Variants in SERPINA3 observed in about 807,000 individuals in gnomAD.
The protein encoded by SERPINA3 is serpin family A member 3.
In SERPINA3, 32 loss-of-function variants were observed where a neutral mutation model predicts 26.8. That is an observed-to-expected ratio of 1.20 (90% CI 0.90 to 1.61). SERPINA3 has a LOEUF of 1.61. SERPINA3 is among the 40% of genes most tolerant of loss of function. The pLI is 0.00. For missense variants in SERPINA3, 632 were observed against 517.9 expected (o/e 1.22, Z -2.14); for synonymous variants, 252 against 206.4 (o/e 1.22, Z -1.89).
Position 94,614,989 on chromosome 14 carries a change from A to G in SERPINA3, c.548A>G (p.Tyr183Cys). 6.2e-7 allele frequency: 1 copy of G among 1,614,096 alleles called. No individual in the cohort carries two copies. Among genetic ancestry groups the G allele is most frequent in the Non-Finnish European group, 8.5e-7 (1 of 1,179,900 alleles). Residue 183 changes from tyrosine (Y) to cysteine (C), a missense_variant, in exon 2 of 5, where the codon TAC (tyrosine) becomes TGC (cysteine). Transcript: ENST00000393078. Reference protein sequence around the residue: ...SAAAKKLINDYVKNGTRGKIT... With the variant: ...SAAAKKLINDCVKNGTRGKIT... ...GCAGCTAAGAAGCTCATCAACGACT[A>G]CGTGAAGAATGGAACTAGGGGGAAA... is the stretch of plus-strand genomic sequence containing the variant.
Position 94,623,920 on chromosome 14 carries a change from A to G in SERPINA3, c.*106A>G. ...CCCCTGTGCACCGAGTGGCCATGGC[A>G]TGTGTGGCCCTGTCTGCTTATCCTT... On this transcript the variant is annotated 3_prime_UTR_variant, in exon 5 of 5. Transcript: ENST00000393078. The G allele has an allele frequency of 1.0e-6, 1 of 968,016 alleles. No homozygotes were observed. The highest frequency in any genetic ancestry group is 1.7e-6 in the Non-Finnish European group (1 of 603,232). 60.0% of individuals were successfully genotyped at this position (968,016 alleles called of 1,614,324 possible). A position where few individuals can be genotyped will look rare whatever the true frequency, so the allele number is the denominator to read the frequency against.
At position 94,614,601 on chromosome 14, in the gene SERPINA3, G is replaced by A. The variant is rs768856474; in HGVS notation, c.160G>A (p.Val54Met). ...HVDLGLASANVDFAFSLYKQL... is the reference protein window; with the variant it reads ...HVDLGLASANMDFAFSLYKQL... ...GGACCTCGGATTAGCCTCCGCCAAC[G>A]TGGACTTCGCTTTCAGCCTGTACAA... The change falls in exon 2 of 5, where the codon GTG becomes ATG. Residue 54 changes from valine to methionine, a missense_variant. Physicochemically the swap from Val to Met is conservative, Grantham distance 21. Transcript: ENST00000393078. 6.8e-6 allele frequency: 11 copies of A among 1,614,000 alleles called. No individual in the cohort carries two copies. The highest frequency in any genetic ancestry group is 3.3e-5 in the South Asian group (3 of 91,076).
In SERPINA3 at chr14:94,623,825, C is replaced by A. The variant is rs1357877480; in HGVS notation, c.*11C>A. The A allele has an allele frequency of 6.2e-7, 1 of 1,611,436 alleles. No individual in the cohort carries two copies. The highest frequency in any genetic ancestry group is 1.3e-5 in the African/African-American group (1 of 74,996). On this transcript the variant is annotated 3_prime_UTR_variant, in exon 5 of 5. Transcript: ENST00000393078. Reference sequence around the variant, plus strand: ...CCCAAGCAAGCCTAGAGCTTGCCATCAAGCAGTGGGGCTCTCAGTAAGGAA... The same window carrying A: ...CCCAAGCAAGCCTAGAGCTTGCCATAAAGCAGTGGGGCTCTCAGTAAGGAA...
rs748990999 is a variant in SERPINA3 at position 94,614,661 on chromosome 14, ATCT to A, written c.224_226del (p.Phe75del). 5.7e-5 allele frequency: 92 copies of A among 1,613,888 alleles called. 1 individual carries two copies. The Middle Eastern group carries it at 1.2e-3, about 20-fold the overall frequency. ...CCTGAAGGCCCCTGATAAGAATGTC[ATCT>A]TCTCCCCACTGAGCATCTCCACCGC... On this transcript the variant is annotated inframe_deletion, in exon 2 of 5. Coordinates refer to ENST00000393078, the MANE Select transcript of SERPINA3 (RefSeq NM_001085.5).
Position 94,623,701 on chromosome 14 carries a change from G to C in SERPINA3, c.1159G>C (p.Val387Leu). ...CAAAATCACCCTCCTTTCTGCATTA[G>C]TGGAGACAAGGACCATTGTGCGTTT... is the stretch of plus-strand genomic sequence containing the variant. ...AVKITLLSAL[V>L]ETRTIVRFNR... The change falls in exon 5 of 5, where the codon GTG (valine) becomes CTG (leucine). Residue 387 changes from valine (V) to leucine (L), a missense_variant. Physicochemically the swap from Val to Leu is conservative, Grantham distance 32. Coordinates refer to ENST00000393078, the MANE Select transcript of SERPINA3 (RefSeq NM_001085.5). The C allele has an allele frequency of 6.2e-7, 1 of 1,614,138 alleles. No homozygotes were observed. Among genetic ancestry groups the C allele is most frequent in the Non-Finnish European group, 8.5e-7 (1 of 1,179,998 alleles).
At chr14:94,622,633 C>A in intron 4 of SERPINA3, 142 bp downstream of exon 4, 1 of 932,498 alleles carries the variant, frequency 1.1e-6, no homozygotes, top group Non-Finnish European at 1.7e-6. Flanking sequence ...GGGACACCCC[C>A]AAGCCAAGAA....
intron 2 of SERPINA3, among the ~76,000 whole-genome samples, chr14:94,616,554 C>T (rs1310888690): frequency 6.6e-6 from 1 of 152,164 alleles, no homozygotes; most frequent in East Asian, 1.9e-4. Flanking sequence ...CCTTTCTGCT[C>T]TTCCTCTTCC....
intron 2 of SERPINA3, chr14:94,615,565 A>G (rs776626356): frequency 4.9e-6 from 2 of 405,794 alleles, no homozygotes; most frequent in Non-Finnish European, 9.9e-6. Flanking sequence ...GGCTGGGGCC[A>G]TCTTCACAGG....
At position 94,614,958 on chromosome 14, in the gene SERPINA3, T is replaced by C; in HGVS notation, c.517T>C (p.Ser173Pro). 8.1e-6 allele frequency: 13 copies of C among 1,613,280 alleles called. No individual in the cohort carries two copies. The highest frequency in any genetic ancestry group is 1.1e-5 in the Non-Finnish European group (13 of 1,179,194). Residue 173 changes from serine to proline, a missense_variant, in exon 2 of 5, where the codon TCA becomes CCA. Ser to Pro is a moderately conservative substitution (Grantham distance 74). Transcript: ENST00000393078. ...SEAFATDFQD[S>P]AAAKKLINDY... Reference sequence around the variant, plus strand: ...GGCCTTTGCCACTGACTTTCAGGACTCAGCTGCAGCTAAGAAGCTCATCAA... The same window carrying C: ...GGCCTTTGCCACTGACTTTCAGGACCCAGCTGCAGCTAAGAAGCTCATCAA...
chr14:94,622,892 T>C (rs1055209627), intron 4 of SERPINA3: 2 of 313,932 alleles, frequency 6.4e-6, no homozygotes, highest in Non-Finnish European at 1.2e-5. Flanking sequence ...AATGATTATC[T>C]GGCAATTGTA....
chr14:94,618,403 G>T (rs368883489), intron 2 of SERPINA3: 2 of 152,202 alleles, frequency 1.3e-5, no homozygotes, highest in Non-Finnish European at 2.9e-5. Flanking sequence ...AACACTGAGA[G>T]CCTAGGCAGC....
At chr14:94,619,148 G>C (rs368584926) in intron 2 of SERPINA3, 47 bp from the exon 3 acceptor site, 25 of 1,610,368 alleles carry the variant, frequency 1.6e-5, no homozygotes, top group Non-Finnish European at 2.0e-5. Context: ...GTCGAGCAGG[G>C]CGACCCTTGC....
chr14:94,619,652 C>T, intron 3 of SERPINA3, 184 bp downstream of exon 3: 1 of 695,872 alleles, frequency 1.4e-6, no homozygotes, highest in Non-Finnish European at 2.5e-6. Context: ...AAGACAATGA[C>T]ATCAGACAGG....
At chr14:94,622,617 C>T in intron 4 of SERPINA3, 126 bp downstream of exon 4, 2 of 1,046,140 alleles carry the variant, frequency 1.9e-6, no homozygotes, top group East Asian at 5.2e-5. Flanking sequence ...TATACTCACC[C>T]TGCTTGGGAC....
chr14:94,623,479 A>T, intron 4 of SERPINA3, 132 bp from the exon 5 acceptor site: 1 of 840,880 alleles, frequency 1.2e-6, no homozygotes, highest in Non-Finnish European at 2.0e-6. Context: ...GGAGGAGCAA[A>T]CATTCAACAG....
chr14:94,619,646 CA>C, intron 3 of SERPINA3, 178 bp downstream of exon 3: 1 of 714,886 alleles, frequency 1.4e-6, no homozygotes, highest in Non-Finnish European at 2.4e-6. Flanking sequence ...TTCTTTAAGA[CA>C]ATGACATCAG....
At position 94,623,622 on chromosome 14, in the gene SERPINA3, G is replaced by C; in HGVS notation, c.1080G>C (p.Lys360Asn). The change falls in exon 5 of 5, where the codon AAG becomes AAC. Residue 360 changes from lysine (K) to asparagine (N), a missense_variant. By Grantham distance (94) the Lys-to-Asn change is moderately conservative. Coordinates refer to ENST00000393078, the MANE Select transcript of SERPINA3 (RefSeq NM_001085.5). ...TGCTGTCCCCACAGGTGGTCCATAAGGCTGTGCTTGATGTATTTGAGGAGG... is the reference window on the plus strand; with the variant it reads ...TGCTGTCCCCACAGGTGGTCCATAACGCTGTGCTTGATGTATTTGAGGAGG... ...RNLAVSQVVH[K>N]AVLDVFEEGT... The C allele has an allele frequency of 6.2e-7, 1 of 1,614,042 alleles. No homozygotes were observed. The highest frequency in any genetic ancestry group is 2.2e-5 in the East Asian group (1 of 44,878).
intron 2 of SERPINA3, 112 bp downstream of exon 2, chr14:94,615,196 T>C (rs1404503290): frequency 8.2e-7 from 1 of 1,213,810 alleles, no homozygotes; most frequent in African/African-American, 1.5e-5. Flanking sequence ...GCCCACAGCA[T>C]GGGGGCAGCA....
Position 94,614,983 on chromosome 14 carries a change from A to T in SERPINA3, c.542A>T (p.Asn181Ile). 6.2e-7 allele frequency: 1 copy of T among 1,613,816 alleles called. No individual in the cohort carries two copies. Among genetic ancestry groups the T allele is most frequent in the Non-Finnish European group, 8.5e-7 (1 of 1,179,674 alleles). Residue 181 changes from asparagine to isoleucine, a missense_variant, in exon 2 of 5, where the codon AAC becomes ATC. Transcript: ENST00000393078. Reference protein sequence around the residue: ...QDSAAAKKLINDYVKNGTRGK... With the variant: ...QDSAAAKKLIIDYVKNGTRGK... ...TCAGCTGCAGCTAAGAAGCTCATCAACGACTACGTGAAGAATGGAACTAGG... is the reference window on the plus strand; with the variant it reads ...TCAGCTGCAGCTAAGAAGCTCATCATCGACTACGTGAAGAATGGAACTAGG...
Sources: allele counts gnomAD v4.1 joint callset (sites outside exome capture counted in the v4.1 genomes callset), GRCh38; gene constraint gnomAD v4.1.1; transcripts MANE v1.5; gene names NCBI Gene and HGNC (gene_info 2026-07-23, HGNC 2026-07-21).